LAMB4: variants seen among roughly 807,000 people sequenced by gnomAD.
LAMB4 encodes laminin subunit beta 4, also known as laminin subunit beta-4.
In LAMB4, 196 loss-of-function variants were observed where a neutral mutation model predicts 199.2. The observed-to-expected ratio is 0.98, with a 90% confidence interval of 0.88 to 1.11. The LOEUF is 1.11. LAMB4 is among the 50% of genes least tolerant of loss of function. The pLI is 0.00. For missense variants in LAMB4, 2,080 were observed against 2,171.2 expected, an observed-to-expected ratio of 0.96 and a Z score of 0.83; for synonymous variants, 744 against 770.6, an observed-to-expected ratio of 0.97 and a Z score of 0.57.
intron 27 of LAMB4, among the ~76,000 whole-genome samples, chr7:108,048,798 T>C (rs2035734020): frequency 2.6e-5 from 4 of 152,210 alleles, no homozygotes; most frequent in African/African-American, 4.8e-5. Flanking sequence ...GTTCAAGCGA[T>C]TCTCCTGCCT....
Position 108,063,929 on chromosome 7 carries a change from C to G in LAMB4, c.2893G>C (p.Ala965Pro). 6.2e-7 allele frequency: 1 copy of G among 1,614,142 alleles called. No individual in the cohort carries two copies. The highest frequency in any genetic ancestry group is 8.5e-7 in the Non-Finnish European group (1 of 1,180,024). ...TTGCAGGCACATGGTTGGCAAGGTG[C>G]TCCTGAAATTCTTGGATTTCCATAG... ...GFYGNPRISG[A>P]PCQPCACNNN... is the part of the protein sequence containing the mutation. Residue 965 changes from alanine (A) to proline (P), a missense_variant, in exon 22 of 34, where the codon GCA (alanine) becomes CCA (proline). By Grantham distance (27) the Ala-to-Pro change is conservative. Transcript: ENST00000388781.
In LAMB4 at chr7:108,098,485, T is replaced by C; in HGVS notation, c.1278A>G (p.Lys426=). 6.2e-7 allele frequency: 1 copy of C among 1,608,260 alleles called. No individual in the cohort carries two copies. The highest frequency in any genetic ancestry group is 8.5e-7 in the Non-Finnish European group (1 of 1,177,716). The change falls in exon 11 of 34, where the codon AAA becomes AAG. Residue 426 remains lysine (K), a synonymous_variant. Coordinates refer to ENST00000388781, the MANE Select transcript of LAMB4 (RefSeq NM_007356.3). The part of the protein sequence containing the change: ...LGSVAGQCLC[K]ENVEGAKCDQ... ...CGCATTTGGCTCCTTCCACGTTCTC[T>C]TTACAAAGGCACTGGCCGGCCACAG...
chr7:108,066,675 G>T (rs1309943686), intron 19 of LAMB4, 75 bp from the exon 20 acceptor site: 4 of 964,314 alleles, frequency 4.1e-6, no homozygotes, highest in Non-Finnish European at 6.3e-6. Flanking sequence ...CAGTTCTGGT[G>T]TCTCATTTCC....
chr7:108,014,038 T>C, the LAMB4 span, among the ~76,000 whole-genome samples: 1 of 152,222 alleles, frequency 6.6e-6, no homozygotes, highest in African/African-American at 2.4e-5. Flanking sequence ...TAGCTCAAAA[T>C]ATTAAAAGAT....
At chr7:108,104,431 C>A in intron 9 of LAMB4, 68 bp downstream of exon 9, 2 of 1,580,822 alleles carry the variant, frequency 1.3e-6, no homozygotes, top group Non-Finnish European at 1.7e-6. Flanking sequence ...CAGAAGTGAA[C>A]GAAGTGTTTC....
intron 2 of LAMB4, among the ~76,000 whole-genome samples, chr7:108,118,129 C>T (rs2038473760): frequency 6.6e-6 from 1 of 151,792 alleles, no homozygotes. Context: ...AGTTTTTTTT[C>T]TTTTAAAAAA....
chr7:108,023,568 A>G lies in LAMB4; in HGVS notation c.*471T>C, dbSNP rs2034737005. On this transcript the variant is annotated 3_prime_UTR_variant, in exon 34 of 34. Transcript: ENST00000388781. The stretch of plus-strand genomic sequence containing the variant: ...GCAAGTTGCATTTTGAATTGTATGC[A>G]GTTTATTCAGAAAAGAATAATTTTA... 6.6e-6 allele frequency: 1 copy of G among 152,290 alleles called. No homozygotes were observed. The highest frequency in any genetic ancestry group is 2.4e-5 in the African/African-American group (1 of 41,468). 9.4% of individuals were successfully genotyped at this position (152,290 alleles called of 1,614,324 possible).
In LAMB4 at chr7:108,111,944, C is replaced by T. The variant is rs151084040; in HGVS notation, c.195G>A (p.Gly65=). The part of the protein sequence containing the change: ...QKYCILSYLE[G]EQKCFICDSR... ...AGTCACAGATGAAGCATTTTTGTTCCCCCTGGAAAACACCATTATTAAAAT... is the reference window on the plus strand; with the variant it reads ...AGTCACAGATGAAGCATTTTTGTTCTCCCTGGAAAACACCATTATTAAAAT... The change falls in exon 4 of 34, where the codon GGG becomes GGA. Residue 65 remains glycine (G), a splice_region_variant and synonymous_variant. Transcript: ENST00000388781. The T allele has an allele frequency of 2.4e-4, 376 of 1,587,356 alleles. No individual in the cohort carries two copies. Among genetic ancestry groups the T allele is most frequent in the Non-Finnish European group, 2.9e-4 (344 of 1,171,914 alleles).
At position 108,079,731 on chromosome 7, in the gene LAMB4, AC is replaced by A. The variant is rs1563073166; in HGVS notation, c.1756del (p.Val586PhefsTer22). On this transcript the variant is annotated frameshift_variant, in exon 15 of 34. Coordinates refer to ENST00000388781, the MANE Select transcript of LAMB4 (RefSeq NM_007356.3). LOFTEE classifies it high-confidence loss of function. Reference sequence around the variant, plus strand: ...AGTCCATGTAACAGGGTTCCCAGGAACTGGCTCTCCTAAAACAACGTGAACA... The same window carrying A: ...AGTCCATGTAACAGGGTTCCCAGGAATGGCTCTCCTAAAACAACGTGAACA... ...PAVHVVLGEP[V>X]PGNPVTWTGP... is the part of the protein sequence containing the mutation. 2 of 1,610,586 alleles carry A rather than the reference AC, an allele frequency of 1.2e-6. No individual in the cohort carries two copies. The highest frequency in any genetic ancestry group is 2.2e-5 in the South Asian group (2 of 90,042).
intron 3 of LAMB4, among the ~76,000 whole-genome samples, chr7:108,114,961 G>T (rs2038357023): frequency 6.6e-6 from 1 of 152,216 alleles, no homozygotes. Flanking sequence ...TTTTTAGACA[G>T]TATAACTTCC....
chr7:108,043,439 G>A (rs2035490286), intron 29 of LAMB4, among the ~76,000 whole-genome samples: 2 of 150,898 alleles, frequency 1.3e-5, no homozygotes, highest in Non-Finnish European at 1.5e-5. Context: ...CACAGAGTTG[G>A]TATTTTGAGA....
intron 12 of LAMB4, 28 bp from the exon 13 acceptor site, chr7:108,092,444 C>G (rs1262307482): frequency 3.2e-6 from 5 of 1,553,080 alleles, no homozygotes; most frequent in Middle Eastern, 1.7e-4. Flanking sequence ...TCAGCTGATT[C>G]CAGCTATGAA....
intron 14 of LAMB4, among the ~76,000 whole-genome samples, chr7:108,080,777 G>T (rs2036899815): frequency 6.6e-6 from 1 of 151,696 alleles, no homozygotes; most frequent in South Asian, 2.1e-4. Flanking sequence ...ATAGACAGAG[G>T]TATATGTAAA....
chr7:108,055,086 C>T (rs560640047), intron 25 of LAMB4, among the ~76,000 whole-genome samples: 2 of 152,264 alleles, frequency 1.3e-5, no homozygotes, highest in Non-Finnish European at 2.9e-5. Context: ...TTTGGGCTTC[C>T]CCATTAATGA....
intron 1 of LAMB4, among the ~76,000 whole-genome samples, chr7:108,123,802 CT>C: frequency 6.6e-6 from 1 of 152,294 alleles, no homozygotes; most frequent in East Asian, 1.9e-4. Flanking sequence ...AACAAATGCA[CT>C]TTTAATTAGT....
At chr7:108,119,735 T>C (rs73725350) in intron 2 of LAMB4, among the ~76,000 whole-genome samples, 6,502 of 152,200 alleles carry the variant, frequency 0.043, 426 homozygotes, top group African/African-American at 0.15. Flanking sequence ...TAAAATGGCA[T>C]AGACTCAAAT....
intron 7 of LAMB4, 42 bp downstream of exon 7, chr7:108,106,467 A>AT: frequency 1.7e-6 from 2 of 1,209,086 alleles, no homozygotes; most frequent in Non-Finnish European, 2.4e-6. Flanking sequence ...CAAACATGAA[A>AT]TTTTTTTAAA....
At chr7:108,075,864 G>T in intron 17 of LAMB4, 1 of 165,018 alleles carries the variant, frequency 6.1e-6, no homozygotes. Flanking sequence ...GGAAGCTGAA[G>T]CAGGAGAATT....
At chr7:108,042,949 G>A (rs1232365985) in intron 29 of LAMB4, among the ~76,000 whole-genome samples, 2 of 150,892 alleles carry the variant, frequency 1.3e-5, no homozygotes, top group Non-Finnish European at 3.0e-5. Flanking sequence ...GTGTGTGTGT[G>A]TGTGTGTGTG....
Sources: allele counts gnomAD v4.1 joint callset (sites outside exome capture counted in the v4.1 genomes callset), GRCh38; gene constraint gnomAD v4.1.1; transcripts MANE v1.5; gene names NCBI Gene and HGNC (gene_info 2026-07-23, HGNC 2026-07-21).